Variants in NLK observed in about 807,000 individuals in gnomAD.
NLK encodes the protein serine/threonine-protein kinase NLK.
Under a neutral mutation model 59.0 loss-of-function variants are expected in NLK, and 11 were observed. The ratio of observed to expected loss-of-function variants is 0.19; its 90% confidence interval spans 0.12 to 0.31. The LOEUF (loss-of-function observed/expected upper bound fraction) is 0.31, where lower values mean the gene tolerates loss of function less well. Among genes scored for constraint, NLK ranks in the 10% least tolerant of loss-of-function variants. The pLI is 1.00. For synonymous variants in NLK, 235 were observed against 235.9 expected (o/e 1.00, Z 0.03); for missense variants, 410 against 661.1 (o/e 0.62, Z 4.16).
intron 1 of NLK, among the ~76,000 whole-genome samples, chr17:28,058,850 G>A (rs976561185): frequency 6.6e-6 from 1 of 152,160 alleles, no homozygotes; most frequent in South Asian, 2.1e-4. Context: ...CAGCAGCCAG[G>A]CGCCATGGCT....
intron 1 of NLK, among the ~76,000 whole-genome samples, chr17:28,121,051 A>C (rs984169572): frequency 1.3e-5 from 2 of 152,102 alleles, no homozygotes; most frequent in Admixed American, 1.3e-4. Flanking sequence ...ATAACTTAGA[A>C]AGAGACATTA....
chr17:28,194,343 A>G (rs184052245), intron 10 of NLK, among the ~76,000 whole-genome samples: 3 of 152,236 alleles, frequency 2.0e-5, no homozygotes, highest in African/African-American at 7.2e-5. Context: ...GGGCCATACA[A>G]CTAGTAAATG....
intron 1 of NLK, among the ~76,000 whole-genome samples, chr17:28,111,896 G>GGTGTGTGTGTGTGTGT (rs747211468): frequency 1.8e-4 from 12 of 67,480 alleles, no homozygotes; most frequent in Non-Finnish European, 2.7e-4. Context: ...GTGTGTGTGT[G>GGTGTGTGTGTGTGTGT]GTGTGTGTGT....
At chr17:28,051,649 G>A (rs1909261177) in intron 1 of NLK, among the ~76,000 whole-genome samples, 1 of 148,906 alleles carries the variant, frequency 6.7e-6, no homozygotes, top group South Asian at 2.1e-4. Context: ...GAGCCACTGC[G>A]CCCGGCTTTT....
intron 1 of NLK, among the ~76,000 whole-genome samples, chr17:28,086,881 A>G (rs1405648187): frequency 1.3e-5 from 2 of 150,566 alleles, no homozygotes; most frequent in African/African-American, 4.9e-5. Flanking sequence ...ATATATACAT[A>G]TATATATATT....
downstream of NLK, among the ~76,000 whole-genome samples, chr17:28,198,129 G>A (rs1023783330): frequency 1.3e-5 from 2 of 152,124 alleles, no homozygotes; most frequent in Admixed American, 1.3e-4. Context: ...GAGGTACATG[G>A]CACATATGTT....
At chr17:28,074,414 T>G (rs1307220767) in intron 1 of NLK, among the ~76,000 whole-genome samples, 1 of 152,198 alleles carries the variant, frequency 6.6e-6, no homozygotes. Context: ...TTTAAAAAAT[T>G]TTTTTAAATG....
At chr17:28,157,597 G>A (rs1907823943) in intron 3 of NLK, among the ~76,000 whole-genome samples, 1 of 152,024 alleles carries the variant, frequency 6.6e-6, no homozygotes, top group Non-Finnish European at 1.5e-5. Context: ...AAAGTGCTGG[G>A]GTTACAGGCA....
intron 1 of NLK, among the ~76,000 whole-genome samples, chr17:28,077,868 T>C (rs1910219660): frequency 6.6e-6 from 1 of 152,216 alleles, no homozygotes; most frequent in East Asian, 1.9e-4. Flanking sequence ...TAGGTCTCTC[T>C]CATAAGTTTC....
intron 8 of NLK, among the ~76,000 whole-genome samples, chr17:28,187,025 T>C (rs1041076542): frequency 2.6e-5 from 4 of 152,256 alleles, no homozygotes; most frequent in Non-Finnish European, 5.9e-5. Flanking sequence ...TAACAGAAGA[T>C]GTTGATCAAT....
chr17:28,048,240 G>C (rs1363854490), intron 1 of NLK: 1 of 330,102 alleles, frequency 3.0e-6, no homozygotes, highest in African/African-American at 2.1e-5. Flanking sequence ...AAACTCCATA[G>C]CCTATAACGT....
intron 1 of NLK, among the ~76,000 whole-genome samples, chr17:28,089,629 A>G (rs1362562450): frequency 1.3e-5 from 2 of 152,036 alleles, no homozygotes; most frequent in Non-Finnish European, 2.9e-5. Context: ...TGTATGCATA[A>G]TTTTTTTAAG....
At chr17:28,155,867 C>T (rs1174979263) in intron 3 of NLK, among the ~76,000 whole-genome samples, 1 of 152,102 alleles carries the variant, frequency 6.6e-6, no homozygotes, top group Admixed American at 6.6e-5. Flanking sequence ...CAACATGGCT[C>T]ATGTATACCT....
chr17:28,068,158 A>T (rs942229160), intron 1 of NLK, among the ~76,000 whole-genome samples: 13 of 151,912 alleles, frequency 8.6e-5, no homozygotes, highest in East Asian at 3.9e-4. Flanking sequence ...AAAAAAAAAA[A>T]ATATGGATGT....
At position 28,163,524 on chromosome 17, in the gene NLK, A is replaced by C. The variant is rs777098776; in HGVS notation, c.752-19A>C. On this transcript the variant is annotated intron_variant, in intron 4 of 10. Coordinates refer to ENST00000407008, the MANE Select transcript of NLK (RefSeq NM_016231.5). ...AAAAGGAATTAAATATCTGCAATTA[A>C]ATCTGTTTGTTATTTCAGGTTTGAA... 1 of 1,459,846 alleles carries C rather than the reference A, an allele frequency of 6.9e-7. No individual in the cohort carries two copies. Among genetic ancestry groups the C allele is most frequent in the African/African-American group, 1.4e-5 (1 of 71,822 alleles). The allele number at this position is 1,459,846 out of a possible 1,614,324, so 90.4% of individuals were successfully genotyped here.
intron 1 of NLK, among the ~76,000 whole-genome samples, chr17:28,056,517 C>A (rs773957545): frequency 3.9e-5 from 6 of 152,074 alleles, no homozygotes; most frequent in Admixed American, 6.6e-5. Flanking sequence ...AATGAAAACT[C>A]TATATAAATG....
At chr17:28,187,085 T>A (rs1909146358) in intron 8 of NLK, among the ~76,000 whole-genome samples, 1 of 152,226 alleles carries the variant, frequency 6.6e-6, no homozygotes, top group Middle Eastern at 3.2e-3. Context: ...TAGAGCTGTG[T>A]GAAATTCAGG....
intron 1 of NLK, among the ~76,000 whole-genome samples, chr17:28,066,926 G>T (rs1163870229): frequency 6.6e-6 from 1 of 152,044 alleles, no homozygotes; most frequent in Non-Finnish European, 1.5e-5. Flanking sequence ...TCAAGCCTTT[G>T]CCCATATTTT....
intron 7 of NLK, among the ~76,000 whole-genome samples, chr17:28,175,156 G>A (rs1400369651): frequency 6.6e-6 from 1 of 151,970 alleles, no homozygotes; most frequent in Non-Finnish European, 1.5e-5. Context: ...GATTAAGAGT[G>A]TAGTGTCAGC....
Sources: gnomAD v4.1 joint callset for allele counts (sites outside exome capture counted in the v4.1 genomes callset) on GRCh38, gnomAD v4.1.1 for gene constraint, MANE v1.5 for transcripts, NCBI Gene and HGNC (gene_info 2026-07-23, HGNC 2026-07-21) for gene names.